The following CMYA5 variants were observed in gnomAD, a reference collection of about 807,000 sequenced individuals.
CMYA5 encodes the protein cardiomyopathy-associated protein 5.
A neutral mutation model predicts 318.9 loss-of-function variants in CMYA5; 246 were observed. The ratio of observed to expected loss-of-function variants is 0.77; its 90% confidence interval spans 0.70 to 0.86. The LOEUF is 0.86. CMYA5 is among the 40% of genes least tolerant of loss of function. CMYA5 has a pLI of 0.00. For synonymous variants in CMYA5, 1,641 were observed against 1,729.5 expected, an observed-to-expected ratio of 0.95 and a Z score of 1.27; for missense variants, 4,589 against 4,678.2, an observed-to-expected ratio of 0.98 and a Z score of 0.56.
intron 1 of CMYA5, among the ~76,000 whole-genome samples, chr5:79,728,128 G>T (rs1041598814): frequency 6.6e-6 from 1 of 152,162 alleles, no homozygotes; most frequent in African/African-American, 2.4e-5. Context: ...AGCACAGTAG[G>T]TTGACATTTT....
At chr5:79,786,541 A>G (rs896711596) in intron 9 of CMYA5, among the ~76,000 whole-genome samples, 8 of 152,194 alleles carry the variant, frequency 5.3e-5, no homozygotes, top group Admixed American at 2.6e-4. Context: ...TGTGAACTTG[A>G]ATTCTACTGC....
At position 79,735,803 on chromosome 5, in the gene CMYA5, C is replaced by A. The variant is rs775238156; in HGVS notation, c.7038C>A (p.Val2346=). 1.3e-6 allele frequency: 2 copies of A among 1,551,116 alleles called. No homozygotes were observed. Among genetic ancestry groups the A allele is most frequent in the South Asian group, 1.3e-5 (1 of 77,740 alleles). ...VPPHVTDSKR[V]QKPAIAPPSK... ...CTCATGTTACTGATAGTAAAAGAGT[C>A]CAGAAGCCAGCAATCGCTCCTCCAT... The change falls in exon 2 of 13, where the codon GTC becomes GTA. Residue 2346 remains valine, a synonymous_variant. Transcript: ENST00000446378.
chr5:79,767,175 A>G (rs911681340), intron 9 of CMYA5, among the ~76,000 whole-genome samples: 3 of 151,776 alleles, frequency 2.0e-5, no homozygotes, highest in Admixed American at 1.3e-4. Flanking sequence ...TTTTTATTGC[A>G]TCTATTTGAT....
In CMYA5 at chr5:79,763,067, T is replaced by C; in HGVS notation, c.11413T>C (p.Ser3805Pro). The C allele has an allele frequency of 1.9e-6, 3 of 1,613,182 alleles. No individual in the cohort carries two copies. The highest frequency in any genetic ancestry group is 2.5e-6 in the Non-Finnish European group (3 of 1,179,436). ...SERAIFRTAP[S>P]TPVIRAEDCT... The stretch of plus-strand genomic sequence containing the variant: ...TCCTGACTCTCTTTCTGCAGCACCC[T>C]CCACCCCTGTGATCCGCGCTGAGGA... The change falls in exon 9 of 13, where the codon TCC (serine) becomes CCC (proline). Residue 3805 changes from serine (S) to proline (P), a missense_variant. By Grantham distance (74) the Ser-to-Pro change is moderately conservative. Around this residue, in one of 3 missense-constraint regions of CMYA5, gnomAD observed 2,431 missense variants for 2,495.1 expected, o/e 0.97. Coordinates refer to ENST00000446378, the MANE Select transcript of CMYA5 (RefSeq NM_153610.5).
chr5:79,787,598 G>T (rs918734903), intron 9 of CMYA5, among the ~76,000 whole-genome samples: 1 of 152,146 alleles, frequency 6.6e-6, no homozygotes, highest in African/African-American at 2.4e-5. Flanking sequence ...CTCTCCTGAG[G>T]GCCTGGTCAG....
chr5:79,799,065 CAT>C (rs1359571857), intron 12 of CMYA5, among the ~76,000 whole-genome samples: 10 of 152,122 alleles, frequency 6.6e-5, no homozygotes, highest in Non-Finnish European at 8.8e-5. Context: ...GTAGTTAAAA[CAT>C]GTGGGCAGCT....
intron 11 of CMYA5, among the ~76,000 whole-genome samples, chr5:79,792,675 TA>T (rs1829201095): frequency 6.6e-6 from 1 of 152,224 alleles, no homozygotes; most frequent in African/African-American, 2.4e-5. Context: ...CTGCTTAAAT[TA>T]AAAATGCTTC....
chr5:79,738,403 A>G lies in CMYA5; in HGVS notation c.9638A>G (p.Glu3213Gly). ...AAGAAGGAAGAGGAGACAGCTTCTG[A>G]AGGTGACAGTGTGAATTCTGAGGCA... ...EKKKEEETAS[E>G]GDSVNSEASF... is the part of the protein sequence containing the mutation. Residue 3213 changes from glutamate (E) to glycine (G), a missense_variant, in exon 2 of 13, where the codon GAA becomes GGA. Physicochemically the swap from Glu to Gly is moderately conservative, Grantham distance 98 (BLOSUM62 -2). Around this residue, in one of 3 missense-constraint regions of CMYA5, gnomAD observed 2,431 missense variants for 2,495.1 expected, o/e 0.97. Transcript: ENST00000446378. 1 of 1,613,798 alleles carries G rather than the reference A, an allele frequency of 6.2e-7. No individual in the cohort carries two copies. The highest frequency in any genetic ancestry group is 8.5e-7 in the Non-Finnish European group (1 of 1,179,856).
intron 9 of CMYA5, among the ~76,000 whole-genome samples, chr5:79,786,879 C>T (rs570698102): frequency 6.6e-6 from 1 of 152,284 alleles, no homozygotes; most frequent in Admixed American, 6.5e-5. Context: ...TGTTTGCGTG[C>T]CTGCTGCTTT....
Position 79,750,114 on chromosome 5 carries a change from A to T in CMYA5, c.10992-2562A>T, listed in dbSNP as rs181801795. On this transcript the variant is annotated intron_variant, in intron 5 of 12. Transcript: ENST00000446378. ...GTGATCCTGGATGTGCTCCCCAGAAACAGAGAAAAGTCATGACATTACAAG... is the reference window on the plus strand; with the variant it reads ...GTGATCCTGGATGTGCTCCCCAGAATCAGAGAAAAGTCATGACATTACAAG... 4.6e-5 allele frequency among the ~76,000 whole-genome samples: 7 copies of T among 152,232 alleles called. No individual in the cohort carries two copies. In the East Asian group the frequency reaches 1.2e-3, roughly 25 times the overall value.
chr5:79,713,370 GC>G (rs2151079107), intron 1 of CMYA5, among the ~76,000 whole-genome samples: 1 of 142,558 alleles, frequency 7.0e-6, no homozygotes, highest in South Asian at 2.1e-4. Flanking sequence ...GTGGAGGAAT[GC>G]CCACCTCCCA....
chr5:79,766,733 C>T (rs889419185), intron 9 of CMYA5, among the ~76,000 whole-genome samples: 15 of 152,256 alleles, frequency 9.9e-5, no homozygotes, highest in Middle Eastern at 3.4e-3. Context: ...ATTTTCACAT[C>T]GATGTTCATC....
rs10942901 is a variant in CMYA5 at position 79,729,334 on chromosome 5, A to G, written c.569A>G (p.Asp190Gly). Residue 190 changes from aspartate (D) to glycine (G), a missense_variant, in exon 2 of 13, where the codon GAT becomes GGT. By Grantham distance (94) the Asp-to-Gly change is moderately conservative. Around this residue, in one of 3 missense-constraint regions of CMYA5, gnomAD observed 2,132 missense variants for 2,131.3 expected, o/e 1.00. Transcript: ENST00000446378. ...EKEKSYTGIY[D>G]KARKKKTTSN... ...GAGAAGTCATATACTGGCATTTATG[A>G]TAAAGCAAGAAAAAAGAAGACCACT... The G allele has an allele frequency of 0.14, 228,935 of 1,612,164 alleles. 17,065 individuals carry two copies. The highest frequency in any genetic ancestry group is 0.2 in the South Asian group (18,297 of 90,514).
chr5:79,750,818 C>T (rs1828415292), intron 5 of CMYA5, among the ~76,000 whole-genome samples: 1 of 152,156 alleles, frequency 6.6e-6, no homozygotes, highest in South Asian at 2.1e-4. Context: ...CCTGCCTTTT[C>T]ATATGCTGAT....
At chr5:79,708,958 A>C (rs1196413683) in intron 1 of CMYA5, among the ~76,000 whole-genome samples, 1 of 152,106 alleles carries the variant, frequency 6.6e-6, no homozygotes, top group African/African-American at 2.4e-5. Context: ...TTTTAAATTT[A>C]ATTTAATTTA....
chr5:79,722,081 A>G (rs1827649752), intron 1 of CMYA5, among the ~76,000 whole-genome samples: 1 of 152,244 alleles, frequency 6.6e-6, no homozygotes, highest in Non-Finnish European at 1.5e-5. Flanking sequence ...AAGTTTCAAC[A>G]AATTTTGAAG....
chr5:79,705,239 T>C (rs1376152491), intron 1 of CMYA5, among the ~76,000 whole-genome samples: 1 of 152,162 alleles, frequency 6.6e-6, no homozygotes, highest in Admixed American at 6.5e-5. Context: ...GCCACTGCAC[T>C]CCAGCCTGGG....
Position 79,735,513 on chromosome 5 carries a change from A to G in CMYA5, c.6748A>G (p.Arg2250Gly), listed in dbSNP as rs373211191. 1.2e-5 allele frequency: 19 copies of G among 1,613,466 alleles called. No individual in the cohort carries two copies. The South Asian group carries it at 1.7e-4, about 14-fold the overall frequency. The stretch of plus-strand genomic sequence containing the variant: ...AAAACTTAAAACTGCTGATGAACCC[A>G]GAGGTACTTTAGTAAAATCTGGTGA... Reference protein sequence around the residue: ...EVKLKTADEPRGTLVKSGDGQ... With the variant: ...EVKLKTADEPGGTLVKSGDGQ... Residue 2250 changes from arginine (R) to glycine (G), a missense_variant, in exon 2 of 13, where the codon AGA becomes GGA. Coordinates refer to ENST00000446378, the MANE Select transcript of CMYA5 (RefSeq NM_153610.5).
intron 10 of CMYA5, among the ~76,000 whole-genome samples, chr5:79,790,761 G>A (rs973278650): frequency 5.9e-5 from 9 of 152,208 alleles, no homozygotes; most frequent in Admixed American, 1.3e-4. Context: ...CCGTGAGGAC[G>A]TGCCTATGGC....
Sources: gnomAD v4.1 joint callset for allele counts (sites outside exome capture counted in the v4.1 genomes callset) on GRCh38, gnomAD v4.1.1 for gene constraint, gnomAD v4.1.1 regional missense constraint, MANE v1.5 for transcripts, NCBI Gene and HGNC (gene_info 2026-07-23, HGNC 2026-07-21) for gene names.